ST18: variants seen among roughly 807,000 people sequenced by gnomAD.
The protein encoded by ST18 is ST18 C2H2C-type zinc finger transcription factor.
In ST18, 50 loss-of-function variants were observed where a neutral mutation model predicts 110.0. The ratio of observed to expected loss-of-function variants is 0.45; its 90% confidence interval spans 0.36 to 0.58. ST18 has a LOEUF of 0.58. Ranked by LOEUF, ST18 falls within the 20% of genes least tolerant of loss-of-function variation. The pLI is 0.00. For missense variants in ST18, 1,306 were observed against 1,280.1 expected (o/e 1.02, Z -0.31); for synonymous variants, 461 against 452.4 (o/e 1.02, Z -0.24).
intron 22 of ST18, among the ~76,000 whole-genome samples, chr8:52,130,094 A>AAAAGAAAG (rs148509276): frequency 1.5e-4 from 16 of 108,582 alleles, no homozygotes; most frequent in Non-Finnish European, 2.4e-4. Flanking sequence ...GAAAGAAAGA[A>AAAAGAAAG]AAAGAAAGAA....
chr8:52,141,234 A>G (rs1172881236), intron 17 of ST18, among the ~76,000 whole-genome samples: 1 of 152,188 alleles, frequency 6.6e-6, no homozygotes, highest in Non-Finnish European at 1.5e-5. Context: ...CAAACTGATG[A>G]CGGACTCGGA....
At chr8:52,263,988 G>A (rs112986477) in intron 2 of ST18, among the ~76,000 whole-genome samples, 8,575 of 151,930 alleles carry the variant, frequency 0.056, 813 homozygotes, top group African/African-American at 0.2. Context: ...TAGTAGAGAC[G>A]GGTTTTCACC....
intron 17 of ST18, chr8:52,137,785 C>T (rs1363918635): frequency 6.5e-6 from 2 of 305,744 alleles, no homozygotes; most frequent in Non-Finnish European, 1.2e-5. Context: ...AGTTAGCAAT[C>T]AAAGATGTTT....
intron 9 of ST18, among the ~76,000 whole-genome samples, chr8:52,178,512 G>C (rs1374083937): frequency 3.4e-5 from 5 of 148,908 alleles, no homozygotes; most frequent in Non-Finnish European, 7.4e-5. Flanking sequence ...AGCTACTCAG[G>C]AGGCTGAGGC....
At chr8:52,362,854 G>A (rs1014582869) in intron 2 of ST18, among the ~76,000 whole-genome samples, 10 of 152,078 alleles carry the variant, frequency 6.6e-5, no homozygotes. Flanking sequence ...CTGGACTTCA[G>A]CATCAGGAAT....
intron 2 of ST18, among the ~76,000 whole-genome samples, chr8:52,290,539 T>A (rs1391043356): frequency 6.6e-6 from 1 of 150,524 alleles, no homozygotes; most frequent in African/African-American, 2.4e-5. Flanking sequence ...AAGAGGGAGG[T>A]TCATCAGTAG....
At chr8:52,276,859 C>G (rs534906509) in intron 2 of ST18, among the ~76,000 whole-genome samples, 1 of 151,772 alleles carries the variant, frequency 6.6e-6, no homozygotes, top group African/African-American at 2.4e-5. Context: ...CTCTGCCTCC[C>G]GGGTTCAAGC....
intron 9 of ST18, among the ~76,000 whole-genome samples, chr8:52,172,985 G>A (rs775575089): frequency 2.5e-4 from 38 of 152,126 alleles, no homozygotes; most frequent in Non-Finnish European, 4.7e-4. Flanking sequence ...TAGCCAACCA[G>A]AAGAAAATCA....
chr8:52,322,985 G>A (rs1804684802), intron 2 of ST18, among the ~76,000 whole-genome samples: 1 of 152,186 alleles, frequency 6.6e-6, no homozygotes, highest in Non-Finnish European at 1.5e-5. Flanking sequence ...ACTGAGCACT[G>A]ATTTCTCACT....
intron 16 of ST18, among the ~76,000 whole-genome samples, chr8:52,145,941 G>A (rs7837915): frequency 0.22 from 32,943 of 151,948 alleles, 4,392 homozygotes; most frequent in African/African-American, 0.38. Context: ...TTTTTTTAGG[G>A]GGCATCTGGA....
chr8:52,124,401 C>T (rs2046185440), intron 23 of ST18, among the ~76,000 whole-genome samples: 1 of 152,092 alleles, frequency 6.6e-6, no homozygotes, highest in African/African-American at 2.4e-5. Context: ...GTCTTGATCT[C>T]CTGATCTCGT....
At chr8:52,195,870 GA>G (rs1285791192) in intron 8 of ST18, among the ~76,000 whole-genome samples, 10 of 152,066 alleles carry the variant, frequency 6.6e-5, no homozygotes, top group Admixed American at 6.6e-4. Flanking sequence ...TAAGAGCTGT[GA>G]AATGCCACAA....
intron 9 of ST18, among the ~76,000 whole-genome samples, chr8:52,178,635 AAAAAAAAACCAC>A (rs2067956862): frequency 7.6e-6 from 1 of 132,088 alleles, no homozygotes; most frequent in East Asian, 2.1e-4. Context: ...AAAAAAAAAA[AAAAAAAAACCAC>A]CAAAAACCAA....
chr8:52,296,398 TA>T (rs2095638153), intron 2 of ST18: 1 of 152,170 alleles, frequency 6.6e-6, no homozygotes, highest in Admixed American at 6.5e-5. Flanking sequence ...CCGGCCCTCC[TA>T]GACGGGGGGA....
intron 2 of ST18, among the ~76,000 whole-genome samples, chr8:52,262,621 C>T (rs955706434): frequency 1.2e-4 from 19 of 152,160 alleles, no homozygotes; most frequent in Non-Finnish European, 2.9e-5. Flanking sequence ...GTGTTTGTGT[C>T]GTTGTACATT....
At chr8:52,363,577 T>C (rs1057238216) in intron 2 of ST18, among the ~76,000 whole-genome samples, 1 of 152,230 alleles carries the variant, frequency 6.6e-6, no homozygotes, top group Non-Finnish European at 1.5e-5. Context: ...AATATTGGAA[T>C]TGGCTTATAA....
intron 2 of ST18, among the ~76,000 whole-genome samples, chr8:52,351,351 G>T (rs1820244384): frequency 6.6e-6 from 1 of 152,172 alleles, no homozygotes; most frequent in Non-Finnish European, 1.5e-5. Flanking sequence ...ACACTGACTT[G>T]CCTTTCAGGT....
At chr8:52,208,750 G>A (rs1422063973) in intron 8 of ST18, among the ~76,000 whole-genome samples, 2 of 152,184 alleles carry the variant, frequency 1.3e-5, no homozygotes, top group African/African-American at 2.4e-5. Context: ...CCCGGGAGGC[G>A]GAGCTTGCAG....
At chr8:52,386,953 C>T (rs139061651) in intron 2 of ST18, among the ~76,000 whole-genome samples, 21 of 152,288 alleles carry the variant, frequency 1.4e-4, no homozygotes, top group East Asian at 1.3e-3. Flanking sequence ...ACTTTCTAAA[C>T]GGGCTTTCTA....
Sources: allele counts gnomAD v4.1 joint callset (sites outside exome capture counted in the v4.1 genomes callset), GRCh38; gene constraint gnomAD v4.1.1; transcripts MANE v1.5; gene names NCBI Gene and HGNC (gene_info 2026-07-23, HGNC 2026-07-21).